The following KIF19 variants were observed in gnomAD, a reference collection of about 807,000 sequenced individuals.
KIF19 encodes the protein kinesin-like protein KIF19.
In KIF19, 98 loss-of-function variants were observed where a neutral mutation model predicts 106.6. The observed-to-expected ratio is 0.92, with a 90% CI of 0.78 to 1.09. The LOEUF (loss-of-function observed/expected upper bound fraction) is 1.09, where lower values mean the gene tolerates loss of function less well. Among genes scored for constraint, KIF19 ranks in the 50% least tolerant of loss-of-function variants. The pLI, the probability that KIF19 is intolerant of heterozygous loss-of-function variation, is 0.00. For missense variants in KIF19, 1,373 were observed against 1,414.3 expected (o/e 0.97, Z 0.47); for synonymous variants, 516 against 584.2 (o/e 0.88, Z 1.68).
In KIF19 at chr17:74,355,313, G is replaced by T; in HGVS notation, c.*1G>T. 6.2e-7 allele frequency: 1 copy of T among 1,606,032 alleles called. No homozygotes were observed. On this transcript the variant is annotated 3_prime_UTR_variant, in exon 20 of 20. Coordinates refer to ENST00000389916, the MANE Select transcript of KIF19 (RefSeq NM_153209.4). ...AGATGGATGCTCCCGGCATAACTGA[G>T]GGGCCCTGCCTGGAACTGGCTCTCT...
At position 74,326,238 on chromosome 17, in the gene KIF19, AGC is replaced by A; in HGVS notation, c.-106_-105del. 4 of 987,074 alleles carry A rather than the reference AGC, an allele frequency of 4.1e-6. No individual in the cohort carries two copies. Among genetic ancestry groups the A allele is most frequent in the Non-Finnish European group, 4.4e-6 (3 of 689,436 alleles). The allele number at this position is 987,074 out of a possible 1,614,324, so 61.1% of individuals were successfully genotyped here. A position where few individuals can be genotyped will look rare whatever the true frequency, so the allele number is the denominator to read the frequency against. On this transcript the variant is annotated 5_prime_UTR_variant, in exon 1 of 20. Transcript: ENST00000389916. ...CGTTGTTGGTTTCGGGTTGTCAGGC[AGC>A]GCGCGAGGCGGCGGGCAGCTAGCAG... is the stretch of plus-strand genomic sequence containing the variant.
At chr17:74,353,148 G>A (rs1393129136) in intron 15 of KIF19, 48 bp from the exon 16 acceptor site, 12 of 1,504,198 alleles carry the variant, frequency 8.0e-6, no homozygotes, top group Non-Finnish European at 1.0e-5. Flanking sequence ...TGGGACCTCG[G>A]TGAGATAGCC....
At chr17:74,338,672 T>C (rs920414759) in intron 2 of KIF19, among the ~76,000 whole-genome samples, 2 of 151,780 alleles carry the variant, frequency 1.3e-5, no homozygotes, top group African/African-American at 4.8e-5. Context: ...GGAGTCCAGG[T>C]GGTGAAGGAA....
chr17:74,330,310 A>T (rs2054042356), intron 2 of KIF19, among the ~76,000 whole-genome samples: 1 of 152,246 alleles, frequency 6.6e-6, no homozygotes, highest in South Asian at 2.1e-4. Flanking sequence ...GGAGACAGAC[A>T]TCATGATGCC....
chr17:74,352,037 CGACG>C lies in KIF19; in HGVS notation c.1760_1763del (p.Asp587ValfsTer87). ...AGATGCAGTCGCACGCGCTGCTCCG[CGACG>C]GTGCGCTCCGCCACCGCCACGAGGC... On this transcript the variant is annotated frameshift_variant, in exon 13 of 20. Transcript: ENST00000389916. LOFTEE classifies it high-confidence loss of function. 6.4e-7 allele frequency: 1 copy of C among 1,573,972 alleles called. No homozygotes were observed. The highest frequency in any genetic ancestry group is 8.6e-7 in the Non-Finnish European group (1 of 1,167,302).
intron 3 of KIF19, 139 bp downstream of exon 3, chr17:74,342,125 CCCAT>C: frequency 1.5e-6 from 1 of 659,420 alleles, no homozygotes; most frequent in Non-Finnish European, 2.6e-6. Context: ...TTGAGCCTTC[CCCAT>C]TCAGGAAGGT....
rs767783165 is a variant in KIF19 at position 74,351,901 on chromosome 17, C to A, written c.1622C>A (p.Ala541Glu). The part of the protein sequence containing the change: ...ALEQRCRELR[A>E]RGRRLEETLP... The stretch of plus-strand genomic sequence containing the variant: ...GAGCAGCGCTGCCGGGAGCTGCGCG[C>A]GCGGGGCCGGCGCCTGGAGGAGACG... The change falls in exon 13 of 20, where the codon GCG becomes GAG. Residue 541 changes from alanine (A) to glutamate (E), a missense_variant. Ala to Glu is a moderately radical substitution (Grantham distance 107). Coordinates refer to ENST00000389916, the MANE Select transcript of KIF19 (RefSeq NM_153209.4). 30 of 1,414,294 alleles carry A rather than the reference C, an allele frequency of 2.1e-5. No homozygotes were observed. The South Asian group carries it at 4.3e-4, about 20-fold the overall frequency. 87.6% of individuals were successfully genotyped at this position (1,414,294 alleles called of 1,614,324 possible).
chr17:74,347,907 C>T lies in KIF19; in HGVS notation c.1047+8C>T, dbSNP rs758484132. 17 of 1,574,634 alleles carry T rather than the reference C, an allele frequency of 1.1e-5. No homozygotes were observed. The South Asian group carries it at 1.9e-4, about 17-fold the overall frequency. On this transcript the variant is annotated splice_region_variant and intron_variant, in intron 9 of 19. Coordinates refer to ENST00000389916, the MANE Select transcript of KIF19 (RefSeq NM_153209.4). ...AAGAACATTAAGACTAGGGTGAGGG[C>T]CCCTGGACCGTCCACCAGGACACAC...
chr17:74,341,788 G>A, intron 2 of KIF19, 88 bp from the exon 3 acceptor site: 1 of 876,936 alleles, frequency 1.1e-6, no homozygotes, highest in Non-Finnish European at 2.0e-6. Context: ...CGACAAAGGG[G>A]TTAACTTTGT....
intron 2 of KIF19, among the ~76,000 whole-genome samples, chr17:74,339,943 C>A (rs1043082538): frequency 6.6e-6 from 1 of 152,178 alleles, no homozygotes; most frequent in Non-Finnish European, 1.5e-5. Flanking sequence ...ATGGCAGAGT[C>A]ATGGGTGCGG....
At position 74,343,984 on chromosome 17, in the gene KIF19, A is replaced by G. The variant is rs113405541; in HGVS notation, c.457-239A>G. On this transcript the variant is annotated intron_variant, in intron 5 of 19. Transcript: ENST00000389916. Reference sequence around the variant, plus strand: ...CTGGAAAGGGGTGCTCCTTGGTTTCAAAGCCTCCTGTAACCTTGGCTCCAG... The same window carrying G: ...CTGGAAAGGGGTGCTCCTTGGTTTCGAAGCCTCCTGTAACCTTGGCTCCAG... Among the ~76,000 whole-genome samples the G allele has an allele frequency of 9.3e-4, 142 of 152,238 alleles. 1 individual carries two copies. The highest frequency in any genetic ancestry group is 3.3e-3 in the African/African-American group (137 of 41,552).
rs1307155447 is a variant in KIF19 at position 74,352,908 on chromosome 17, G to A, written c.2068G>A (p.Ala690Thr). 1 of 1,613,940 alleles carries A rather than the reference G, an allele frequency of 6.2e-7. No homozygotes were observed. The highest frequency in any genetic ancestry group is 1.1e-5 in the South Asian group (1 of 91,080). The change falls in exon 15 of 20, where the codon GCC becomes ACC. Residue 690 changes from alanine (A) to threonine (T), a missense_variant. By Grantham distance (58) the Ala-to-Thr change is moderately conservative. Transcript: ENST00000389916. ...LESVKTLSSD[A>T]QHLQNSALPP... Reference sequence around the variant, plus strand: ...GAGTGTGAAGACATTGAGCTCTGATGCCCAGCACCTGCAGAACAGCGCCCT... The same window carrying A: ...GAGTGTGAAGACATTGAGCTCTGATACCCAGCACCTGCAGAACAGCGCCCT...
Position 74,354,478 on chromosome 17 carries a change from C to T in KIF19, c.2625C>T (p.Ser875=), listed in dbSNP as rs1409845663. 6.2e-7 allele frequency: 1 copy of T among 1,608,520 alleles called. No individual in the cohort carries two copies. Among genetic ancestry groups the T allele is most frequent in the Admixed American group, 1.7e-5 (1 of 59,224 alleles). The stretch of plus-strand genomic sequence containing the variant: ...CCTGGCTGCGTGGCCAGAAGAAAAG[C>T]CTGGGCAAGAAAAGGGAGGAGTCGC... The part of the protein sequence containing the change: ...PRPWLRGQKK[S]LGKKREESLE... The change falls in exon 18 of 20, where the codon AGC becomes AGT. Residue 875 remains serine, a synonymous_variant. Coordinates refer to ENST00000389916, the MANE Select transcript of KIF19 (RefSeq NM_153209.4).
intron 1 of KIF19, among the ~76,000 whole-genome samples, chr17:74,327,896 G>A (rs1472644240): frequency 6.6e-6 from 1 of 152,214 alleles, no homozygotes; most frequent in Admixed American, 6.5e-5. Context: ...CCACGCACAG[G>A]ATGAGACCCA....
chr17:74,354,587 T>G (rs2054823787), intron 18 of KIF19, 28 bp downstream of exon 18: 1 of 1,571,702 alleles, frequency 6.4e-7, no homozygotes, highest in African/African-American at 1.3e-5. Flanking sequence ...GGTGGGTGTC[T>G]AGGCACTCCC....
Position 74,340,554 on chromosome 17 carries a change from CGT to C in KIF19, c.121-1321_121-1320del, listed in dbSNP as rs1491330547. Among the ~76,000 whole-genome samples the C allele has an allele frequency of 1.6e-3, 213 of 135,470 alleles. 1 individual carries two copies. The East Asian group carries it at 0.025, about 16-fold the overall frequency. 88.9% of individuals were successfully genotyped at this position (135,470 alleles called of 152,430 possible). A position where few individuals can be genotyped will look rare whatever the true frequency, so the allele number is the denominator to read the frequency against. On this transcript the variant is annotated intron_variant, in intron 2 of 19. Coordinates refer to ENST00000389916, the MANE Select transcript of KIF19 (RefSeq NM_153209.4). ...ACACGTGCCAGCAGGTATGCGCGCG[CGT>C]ACACACACACACACACACTGCTGCC...
chr17:74,344,624 G>A lies in KIF19; in HGVS notation c.583-137G>A, dbSNP rs1305983916. 2.5e-5 allele frequency: 24 copies of A among 978,188 alleles called. No homozygotes were observed. In the East Asian group the frequency reaches 3.2e-4, roughly 13 times the overall value. 60.6% of individuals were successfully genotyped at this position (978,188 alleles called of 1,614,324 possible). On this transcript the variant is annotated intron_variant, in intron 6 of 19. Transcript: ENST00000389916. ...GCCCACGCCAGGCCTCTCAGCACAC[G>A]GAGCCCAGCCCACTCCAGCCTGCCC... is the stretch of plus-strand genomic sequence containing the variant.
chr17:74,352,585 G>A (rs760749959), intron 14 of KIF19, among the ~76,000 whole-genome samples: 3 of 152,178 alleles, frequency 2.0e-5, no homozygotes, highest in Non-Finnish European at 4.4e-5. Context: ...CTGGCCATCT[G>A]AGATATCACA....
In KIF19 at chr17:74,331,353, T is replaced by A. The variant is rs1337492924; in HGVS notation, c.120+2848T>A. On this transcript the variant is annotated intron_variant, in intron 2 of 19. Transcript: ENST00000389916. This position sits in a 1 kb window ranked among gnomAD's most constrained non-coding sequence, Gnocchi z 4.1. ...TGAGCCAGGACATGTTCGTCCTGAG[T>A]GGGGAGAGGTGGACCGGGGACACAG... is the stretch of plus-strand genomic sequence containing the variant. Among the ~76,000 whole-genome samples, 1 of 143,438 alleles carries A rather than the reference T, an allele frequency of 7.0e-6. No homozygotes were observed. The highest frequency in any genetic ancestry group is 1.6e-5 in the Non-Finnish European group (1 of 64,322). The allele number at this position is 143,438 out of a possible 152,430, so 94.1% of individuals were successfully genotyped here.
Sources: allele counts gnomAD v4.1 joint callset (sites outside exome capture counted in the v4.1 genomes callset), GRCh38; gene constraint gnomAD v4.1.1; non-coding constraint Gnocchi (gnomAD v3.1); transcripts MANE v1.5; gene names NCBI Gene and HGNC (gene_info 2026-07-23, HGNC 2026-07-21).